Variants in KLF12 observed in about 807,000 individuals in gnomAD.
KLF12 encodes Krueppel-like factor 12.
KLF12 carries 9 observed loss-of-function variants against 37.8 expected under a neutral mutation model. The observed-to-expected ratio is 0.24, with a 90% CI of 0.14 to 0.42. KLF12 has a LOEUF of 0.42. KLF12 is among the 10% of genes least tolerant of loss of function. KLF12 has a pLI of 1.00. For missense variants in KLF12, 411 were observed against 516.0 expected, an observed-to-expected ratio of 0.80 and a Z score of 1.97; for synonymous variants, 208 against 202.1, an observed-to-expected ratio of 1.03 and a Z score of -0.25.
rs957874482 is a variant in KLF12 at position 74,110,075 on chromosome 13, T to C, written c.-32+23664A>G. 2.0e-5 allele frequency among the ~76,000 whole-genome samples: 3 copies of C among 152,184 alleles called. No individual in the cohort carries two copies. The South Asian group carries it at 6.2e-4, about 32-fold the overall frequency. On this transcript the variant is annotated intron_variant, in intron 1 of 7. Coordinates refer to ENST00000377669, the MANE Select transcript of KLF12 (RefSeq NM_007249.5). ...AGATTTTCAAATTTTTCAAGAAAATTTGGAAATCTAGATTTTCTTAAGTGA... is the reference window on the plus strand; with the variant it reads ...AGATTTTCAAATTTTTCAAGAAAATCTGGAAATCTAGATTTTCTTAAGTGA...
At chr13:73,881,273 A>C (rs1446970717) in intron 3 of KLF12, among the ~76,000 whole-genome samples, 1 of 152,172 alleles carries the variant, frequency 6.6e-6, no homozygotes, top group Non-Finnish European at 1.5e-5. Flanking sequence ...TGTAAAAGAT[A>C]AAAATATTTG....
At chr13:73,940,223 G>A (rs976522881) in intron 3 of KLF12, among the ~76,000 whole-genome samples, 1 of 152,108 alleles carries the variant, frequency 6.6e-6, no homozygotes, top group Non-Finnish European at 1.5e-5. Flanking sequence ...ACAGCAGGAC[G>A]CACGCACCAA....
intron 4 of KLF12, among the ~76,000 whole-genome samples, chr13:73,825,163 CCT>C (rs113764135): frequency 0.028 from 4,220 of 152,118 alleles, 82 homozygotes; most frequent in African/African-American, 0.043. Context: ...TTCTCCTGCC[CCT>C]GTTATGATAA....
At chr13:74,214,762 C>T in the KLF12 span, among the ~76,000 whole-genome samples, 2 of 152,026 alleles carry the variant, frequency 1.3e-5, no homozygotes, top group South Asian at 4.1e-4. Context: ...TTTCTTTTTG[C>T]AAATTCATAT....
chr13:73,809,270 TAC>T (rs1882803952), intron 5 of KLF12, among the ~76,000 whole-genome samples: 1 of 152,146 alleles, frequency 6.6e-6, no homozygotes, highest in African/African-American at 2.4e-5. Flanking sequence ...TGTTATTTAA[TAC>T]ATTAAGTTTA....
chr13:74,119,180 A>G (rs1877476553), intron 1 of KLF12, among the ~76,000 whole-genome samples: 1 of 152,100 alleles, frequency 6.6e-6, no homozygotes, highest in South Asian at 2.1e-4. Context: ...TAAAAATACA[A>G]AAATTATCCA....
chr13:73,847,075 T>A (rs1470682640), intron 3 of KLF12, among the ~76,000 whole-genome samples: 1 of 152,132 alleles, frequency 6.6e-6, no homozygotes, highest in Non-Finnish European at 1.5e-5. Flanking sequence ...CAAAATTTGA[T>A]AATAATAGAC....
chr13:73,933,397 G>A (rs1175095249), intron 3 of KLF12, among the ~76,000 whole-genome samples: 2 of 152,050 alleles, frequency 1.3e-5, no homozygotes, highest in Non-Finnish European at 2.9e-5. Context: ...TTTATTTCAA[G>A]ATGTGATCAT....
At chr13:73,925,658 T>C (rs1889340064) in intron 3 of KLF12, among the ~76,000 whole-genome samples, 1 of 152,220 alleles carries the variant, frequency 6.6e-6, no homozygotes, top group South Asian at 2.1e-4. Flanking sequence ...GAAATATATT[T>C]CATACAGTTA....
the KLF12 span, among the ~76,000 whole-genome samples, chr13:74,156,515 A>G: frequency 6.6e-6 from 1 of 152,210 alleles, no homozygotes; most frequent in South Asian, 2.1e-4. Context: ...TAAAATACAC[A>G]CATTATTGAC....
intron 1 of KLF12, among the ~76,000 whole-genome samples, chr13:74,009,153 G>C (rs932148001): frequency 6.6e-6 from 1 of 152,186 alleles, no homozygotes; most frequent in East Asian, 1.9e-4. Flanking sequence ...CATTGTAACA[G>C]TTTATCTGTG....
rs182862061 is a variant in KLF12, at chr13:73,967,688, G to A, written c.34-23618C>T. Among the ~76,000 whole-genome samples the A allele has an allele frequency of 1.9e-3, 296 of 152,232 alleles. 3 individuals are homozygous for A. In the Middle Eastern group the frequency reaches 0.02, roughly 10 times the overall value. On this transcript the variant is annotated intron_variant, in intron 2 of 7. Transcript: ENST00000377669. ...ATTCTTAGGAATATTGTGTTCTCAC[G>A]AGTTTCGTTTTCTGGATGGGTGAGG... is the stretch of plus-strand genomic sequence containing the variant.
Position 73,694,922 on chromosome 13 carries a change from C to T in KLF12, c.*568G>A, listed in dbSNP as rs948419786. 6.6e-6 allele frequency: 1 copy of T among 152,616 alleles called. No individual in the cohort carries two copies. 9.5% of individuals were successfully genotyped at this position (152,616 alleles called of 1,614,324 possible). On this transcript the variant is annotated 3_prime_UTR_variant, in exon 8 of 8. Coordinates refer to ENST00000377669, the MANE Select transcript of KLF12 (RefSeq NM_007249.5). ...GAGAGTGATATCTAGTGGCTGCCAT[C>T]GCGATTGCAAAGGGCTGCCTGAGTG...
At chr13:74,197,995 T>C in the KLF12 span, among the ~76,000 whole-genome samples, 1 of 148,098 alleles carries the variant, frequency 6.8e-6, no homozygotes, top group Non-Finnish European at 1.5e-5. Flanking sequence ...TTTCCTAAAA[T>C]GCTGAAAAGA....
the KLF12 span, among the ~76,000 whole-genome samples, chr13:74,209,557 C>G: frequency 0.015 from 2,196 of 143,704 alleles, 21 homozygotes; most frequent in Non-Finnish European, 0.023. Flanking sequence ...CACACACACA[C>G]AGACAATTAA....
intron 1 of KLF12, among the ~76,000 whole-genome samples, chr13:74,127,888 G>C (rs188845875): frequency 6.6e-6 from 1 of 152,038 alleles, no homozygotes; most frequent in Admixed American, 6.6e-5. Flanking sequence ...GATTTAACTG[G>C]GGATTTGCAG....
chr13:74,125,099 G>A (rs1877858183), intron 1 of KLF12, among the ~76,000 whole-genome samples: 1 of 149,826 alleles, frequency 6.7e-6, no homozygotes, highest in South Asian at 2.1e-4. Context: ...GAGCTGAGAT[G>A]GTGTCACTGC....
At chr13:74,207,499 C>T in the KLF12 span, among the ~76,000 whole-genome samples, 1 of 152,074 alleles carries the variant, frequency 6.6e-6, no homozygotes, top group African/African-American at 2.4e-5. Context: ...GATGGTGAAA[C>T]CCCGTCTCTA....
intron 6 of KLF12, among the ~76,000 whole-genome samples, chr13:73,726,095 C>T (rs547672977): frequency 6.6e-5 from 10 of 151,880 alleles, no homozygotes; most frequent in East Asian, 3.9e-4. Flanking sequence ...TCAGGTGATC[C>T]GCCCGCCTCG....
Sources: allele counts gnomAD v4.1 joint callset (sites outside exome capture counted in the v4.1 genomes callset), GRCh38; gene constraint gnomAD v4.1.1; transcripts MANE v1.5; gene names NCBI Gene and HGNC (gene_info 2026-07-23, HGNC 2026-07-21).